The following PRPF3 variants were observed in gnomAD, a reference collection of about 807,000 sequenced individuals.
PRPF3 encodes pre-mRNA processing factor 3.
Under a neutral mutation model 89.2 loss-of-function variants are expected in PRPF3, and 3 were observed. That is an observed-to-expected ratio of 0.03 (90% confidence interval 0.02 to 0.09). The LOEUF (loss-of-function observed/expected upper bound fraction) is 0.09. Ranked by LOEUF, PRPF3 falls within the 10% of genes least tolerant of loss-of-function variation. The probability of loss-of-function intolerance (pLI) is 1.00; values close to 1 mark genes in which losing one functional copy is unlikely to be tolerated. For missense variants in PRPF3, 463 were observed against 828.8 expected (o/e 0.56, Z 5.42); for synonymous variants, 270 against 289.1 (o/e 0.93, Z 0.67).
Position 150,353,093 on chromosome 1 carries a change from C to T in PRPF3, c.*114C>T, listed in dbSNP as rs886136730. The T allele has an allele frequency of 5.0e-6, 7 of 1,404,210 alleles. No individual in the cohort carries two copies. The highest frequency in any genetic ancestry group is 6.0e-6 in the Non-Finnish European group (6 of 992,358). The allele number at this position is 1,404,210 out of a possible 1,614,324, so 87.0% of individuals were successfully genotyped here. On this transcript the variant is annotated 3_prime_UTR_variant, in exon 16 of 16. Transcript: ENST00000324862. ...TGTGTGATCTCAGAACTGTGCCAAG[C>T]AGACACTGGGACAAAGGGAGAATAT...
At chr1:150,339,805 CCT>C (rs1319017864) in intron 8 of PRPF3, among the ~76,000 whole-genome samples, 1 of 146,652 alleles carries the variant, frequency 6.8e-6, no homozygotes, top group African/African-American at 2.5e-5. Flanking sequence ...CTCGCTGCAA[CCT>C]CTGTCTCCTG....
chr1:150,327,663 T>C (rs1655877631), intron 3 of PRPF3: 1 of 984,062 alleles, frequency 1.0e-6, no homozygotes, highest in African/African-American at 1.7e-5. Flanking sequence ...GTGTGTACAT[T>C]TGCTTTTTCC....
intron 2 of PRPF3, 66 bp from the exon 3 acceptor site, chr1:150,325,685 A>C: frequency 2.6e-6 from 4 of 1,561,014 alleles, no homozygotes; most frequent in African/African-American, 1.4e-5. Context: ...GGTACCTGTT[A>C]TAGGCCTAGT....
rs1553872855 is a variant in PRPF3, at chr1:150,346,019, G to A, written c.1642G>A (p.Val548Ile). ...SQGVHISVYR[V>I]RNLSNPAKKF... Reference sequence around the variant, plus strand: ...ATAACTAAACTTTCCCTTCTCCAGAGTTCGAAATTTGAGCAACCCAGCCAA... The same window carrying A: ...ATAACTAAACTTTCCCTTCTCCAGAATTCGAAATTTGAGCAACCCAGCCAA... Residue 548 changes from valine (V) to isoleucine (I), a missense_variant and splice_region_variant, in exon 13 of 16, where the codon GTT becomes ATT. By Grantham distance (29) the Val-to-Ile change is conservative. Transcript: ENST00000324862. 6.2e-7 allele frequency: 1 copy of A among 1,613,312 alleles called. No homozygotes were observed. The highest frequency in any genetic ancestry group is 1.1e-5 in the South Asian group (1 of 91,064).
intron 1 of PRPF3, among the ~76,000 whole-genome samples, chr1:150,322,037 C>G (rs1169360956): frequency 1.3e-5 from 2 of 152,126 alleles, no homozygotes; most frequent in Non-Finnish European, 2.9e-5. Context: ...ACTACCCCCG[C>G]ACCTCGCAGT....
chr1:150,346,906 C>T (rs587682460), intron 14 of PRPF3, among the ~76,000 whole-genome samples: 4 of 152,138 alleles, frequency 2.6e-5, no homozygotes, highest in South Asian at 2.1e-4. Flanking sequence ...GGGCAAACAA[C>T]GTGGTGAAAC....
At chr1:150,341,682 A>G (rs1312804861) in intron 9 of PRPF3, among the ~76,000 whole-genome samples, 1 of 147,712 alleles carries the variant, frequency 6.8e-6, no homozygotes, top group Non-Finnish European at 1.5e-5. Flanking sequence ...CTGGGATTAT[A>G]GGTGTGAGCC....
At chr1:150,345,445 A>C (rs782513146) in intron 12 of PRPF3, 12 of 155,244 alleles carry the variant, frequency 7.7e-5, no homozygotes, top group Non-Finnish European at 1.6e-4. Flanking sequence ...CTGCCTCCCA[A>C]GTTCAAGCAA....
intron 4 of PRPF3, 31 bp downstream of exon 4, chr1:150,328,497 T>G: frequency 6.2e-7 from 1 of 1,612,512 alleles, no homozygotes; most frequent in Non-Finnish European, 8.5e-7. Flanking sequence ...AGCAAAGTGG[T>G]TTTGTGAGTT....
intron 7 of PRPF3, among the ~76,000 whole-genome samples, chr1:150,337,196 G>A (rs1304074763): frequency 1.3e-5 from 2 of 151,802 alleles, no homozygotes; most frequent in East Asian, 3.9e-4. Flanking sequence ...CCGCCACCAC[G>A]CCCGGCTAAT....
intron 4 of PRPF3, 52 bp downstream of exon 4, chr1:150,328,518 A>G (rs782331669): frequency 5.5e-6 from 8 of 1,445,784 alleles, no homozygotes; most frequent in Non-Finnish European, 7.7e-6. Flanking sequence ...GAAGAAGCAA[A>G]AGGTGCATGG....
intron 7 of PRPF3, among the ~76,000 whole-genome samples, chr1:150,337,736 C>T (rs976759390): frequency 6.7e-6 from 1 of 148,686 alleles, no homozygotes; most frequent in Non-Finnish European, 1.5e-5. Context: ...TGCACTGCAG[C>T]CTGGGTGACA....
intron 15 of PRPF3, among the ~76,000 whole-genome samples, chr1:150,351,667 AT>A (rs10692607): frequency 0.057 from 5,337 of 94,410 alleles, 351 homozygotes; most frequent in African/African-American, 0.17. Context: ...TGCCTGGCTA[AT>A]TTTTTTTTTT....
Position 150,346,012 on chromosome 1 carries a change from C to A in PRPF3, c.1641-6C>A. Reference sequence around the variant, plus strand: ...GGAAGACATAACTAAACTTTCCCTTCTCCAGAGTTCGAAATTTGAGCAACC... The same window carrying A: ...GGAAGACATAACTAAACTTTCCCTTATCCAGAGTTCGAAATTTGAGCAACC... On this transcript the variant is annotated splice_region_variant and splice_polypyrimidine_tract_variant and intron_variant, in intron 12 of 15. Coordinates refer to ENST00000324862, the MANE Select transcript of PRPF3 (RefSeq NM_004698.4). 1 of 1,610,578 alleles carries A rather than the reference C, an allele frequency of 6.2e-7. No individual in the cohort carries two copies. Among genetic ancestry groups the A allele is most frequent in the Non-Finnish European group, 8.5e-7 (1 of 1,176,964 alleles).
intron 1 of PRPF3, among the ~76,000 whole-genome samples, chr1:150,323,032 G>A (rs1572177477): frequency 6.6e-6 from 1 of 151,340 alleles, no homozygotes; most frequent in Admixed American, 6.6e-5. Flanking sequence ...AGGTCACCAC[G>A]CCCAGCTAAT....
chr1:150,334,861 G>A (rs1001765835), intron 6 of PRPF3, 74 bp from the exon 7 acceptor site: 39 of 1,562,082 alleles, frequency 2.5e-5, no homozygotes, highest in South Asian at 5.8e-5. Context: ...GAGCCACCAC[G>A]CCTGGCTTTA....
chr1:150,339,172 GC>G (rs1657388094), intron 8 of PRPF3, among the ~76,000 whole-genome samples: 2 of 150,254 alleles, frequency 1.3e-5, no homozygotes. Flanking sequence ...TTAAAGACCA[GC>G]TTGGGCAATA....
Position 150,332,988 on chromosome 1 carries a change from CCTT to C in PRPF3, c.522_524del (p.Ser176del). The stretch of plus-strand genomic sequence containing the variant: ...TTTCTCTATCTCACAGCCAAAGACT[CCTT>C]CTTCCTCCCAACCAGAACGACTTCC... On this transcript the variant is annotated inframe_deletion, in exon 6 of 16. Coordinates refer to ENST00000324862, the MANE Select transcript of PRPF3 (RefSeq NM_004698.4). The C allele has an allele frequency of 3.1e-6, 5 of 1,613,452 alleles. No homozygotes were observed. The highest frequency in any genetic ancestry group is 1.1e-5 in the South Asian group (1 of 91,040).
At chr1:150,345,735 G>A (rs1194545687) in intron 12 of PRPF3, 7 of 415,602 alleles carry the variant, frequency 1.7e-5, no homozygotes, top group African/African-American at 1.2e-4. Flanking sequence ...GAGATTGTAA[G>A]TATTTTTGGA....
Sources: gnomAD v4.1 joint callset for allele counts (sites outside exome capture counted in the v4.1 genomes callset) on GRCh38, gnomAD v4.1.1 for gene constraint, MANE v1.5 for transcripts, NCBI Gene and HGNC (gene_info 2026-07-23, HGNC 2026-07-21) for gene names.